The following C12orf76 variants were observed in gnomAD, a reference collection of about 807,000 sequenced individuals.
C12orf76 encodes uncharacterized protein C12orf76.
C12orf76 carries 6 observed loss-of-function variants against 6.8 expected under a neutral mutation model. That is an observed-to-expected ratio of 0.88 (90% CI 0.48 to 1.73). The LOEUF (loss-of-function observed/expected upper bound fraction) is 1.73. Ranked by LOEUF, C12orf76 falls within the 40% of genes most tolerant of loss-of-function variation. C12orf76 has a pLI of 0.01. For missense variants in C12orf76, 99 were observed against 98.2 expected (o/e 1.01, Z -0.03); for synonymous variants, 56 against 43.7 (o/e 1.28, Z -1.11).
chr12:110,058,286 T>A lies in C12orf76; in HGVS notation n.556+702A>T, dbSNP rs185725056. 1.4e-3 allele frequency among the ~76,000 whole-genome samples: 220 copies of A among 152,324 alleles called. 1 individual carries two copies. Among genetic ancestry groups the A allele is most frequent in the South Asian group, 2.7e-3 (13 of 4,824 alleles). On this transcript the variant is annotated intron_variant and non_coding_transcript_variant, in intron 3 of 4. Coordinates refer to the C12orf76 transcript ENST00000309050. ...ATGTTATTAATTCTTTCTATGACAG[T>A]AAAGATATCTGTGATAAAGATAGAT... is the stretch of plus-strand genomic sequence containing the variant.
rs758148706 is a variant in C12orf76 at position 110,054,581 on chromosome 12, A to T, written n.664+2608T>A. ...AAATGGCGAGTGACTACTAATAGGC[A>T]TGGGGTGTCCTTTTGGGGTGATGAA... On this transcript the variant is annotated intron_variant and non_coding_transcript_variant, in intron 4 of 4. Coordinates refer to the C12orf76 transcript ENST00000309050. The surrounding 1 kb of genome is among the most constrained non-coding windows in gnomAD (Gnocchi z 4.4). Among the ~76,000 whole-genome samples the T allele has an allele frequency of 6.6e-6, 1 of 152,156 alleles. No individual in the cohort carries two copies. The highest frequency in any genetic ancestry group is 1.5e-5 in the Non-Finnish European group (1 of 68,038).
At chr12:110,043,104 G>A (rs1222116383) in intron 1 of C12orf76, among the ~76,000 whole-genome samples, 2 of 151,842 alleles carry the variant, frequency 1.3e-5, no homozygotes, top group Non-Finnish European at 2.9e-5. Context: ...GAGACCTTAC[G>A]AGTGAGGCTC....
At chr12:110,043,422 T>A (rs1892368368) in intron 1 of C12orf76, among the ~76,000 whole-genome samples, 1 of 151,742 alleles carries the variant, frequency 6.6e-6, no homozygotes, top group East Asian at 1.9e-4. Context: ...ATTGTTTGAC[T>A]ATAGGGGAGC....
intron 1 of C12orf76, chr12:110,044,350 GC>G (rs1410069207): frequency 1.3e-5 from 2 of 152,032 alleles, no homozygotes; most frequent in Non-Finnish European, 2.9e-5. Flanking sequence ...TTTGAGACCA[GC>G]CTGGCCAACA....
At chr12:110,058,176 A>C (rs548705844) in intron 3 of C12orf76, among the ~76,000 whole-genome samples, 1 of 152,182 alleles carries the variant, frequency 6.6e-6, no homozygotes, top group East Asian at 1.9e-4. Context: ...ACACCTAGAC[A>C]CACAAACAGA....
At chr12:110,059,594 T>C (rs145030479) in intron 2 of C12orf76, among the ~76,000 whole-genome samples, 102 of 152,314 alleles carry the variant, frequency 6.7e-4, no homozygotes, top group African/African-American at 2.3e-3. Flanking sequence ...GGTCAAAGGG[T>C]GTGCACATTT....
chr12:110,066,265 G>A (rs1007488555), intron 1 of C12orf76, among the ~76,000 whole-genome samples: 1 of 148,430 alleles, frequency 6.7e-6, no homozygotes, highest in African/African-American at 2.5e-5. Context: ...CCATCTACTC[G>A]GGAGGCTGAG....
At chr12:110,063,634 A>T (rs1460268357) in intron 2 of C12orf76, among the ~76,000 whole-genome samples, 1 of 147,240 alleles carries the variant, frequency 6.8e-6, no homozygotes, top group Non-Finnish European at 1.5e-5. Context: ...TTATTTATTT[A>T]TTTATTTATT....
At chr12:110,058,417 A>G (rs918861262) in intron 3 of C12orf76, among the ~76,000 whole-genome samples, 4 of 152,162 alleles carry the variant, frequency 2.6e-5, no homozygotes. Context: ...TAATCCCAGC[A>G]CTTTGGGAGG....
intron 1 of C12orf76, among the ~76,000 whole-genome samples, chr12:110,042,790 G>C (rs1461759918): frequency 6.6e-6 from 1 of 152,126 alleles, no homozygotes; most frequent in African/African-American, 2.4e-5. Flanking sequence ...GAGTGTGGTG[G>C]CTCGTGTCTG....
chr12:110,064,025 CTG>C (rs1892820248), intron 2 of C12orf76, among the ~76,000 whole-genome samples: 1 of 152,212 alleles, frequency 6.6e-6, no homozygotes, highest in African/African-American at 2.4e-5. Context: ...GCCTGTGGGA[CTG>C]TGTTAGTTTC....
intron 2 of C12orf76, among the ~76,000 whole-genome samples, chr12:110,062,788 ATTTTTTTTTTTTTTTT>A (rs71079597): frequency 1.6e-5 from 1 of 63,360 alleles, no homozygotes; most frequent in Admixed American, 2.1e-4. Context: ...CCCAGCTAAT[ATTTTTTTTTTTTTTTT>A]TTTTTTTTTT....
intron 1 of C12orf76, chr12:110,067,352 A>G (rs1892884589): frequency 2.1e-6 from 2 of 944,824 alleles, no homozygotes; most frequent in South Asian, 4.9e-5. Context: ...CAAGGTAAGA[A>G]TAGGAGCTCA....
At chr12:110,047,526 C>T (rs1892481446) in intron 1 of C12orf76, among the ~76,000 whole-genome samples, 1 of 151,976 alleles carries the variant, frequency 6.6e-6, no homozygotes, top group African/African-American at 2.4e-5. Context: ...ACAACAACAA[C>T]AAAATGAGCC....
chr12:110,048,852 T>A (rs1475748858), upstream of C12orf76: 2 of 190,240 alleles, frequency 1.1e-5, no homozygotes, highest in Non-Finnish European at 2.1e-5. Context: ...CATTTTCTTA[T>A]TAAACCTTCA....
Position 110,043,342 on chromosome 12 carries a change from G to C in C12orf76, c.134-883C>G, listed in dbSNP as rs777731457. On this transcript the variant is annotated intron_variant, in intron 1 of 1. Transcript: ENST00000615315. ...AAAGAGAAGCCACTAGGGGGCTGTA[G>C]GCAAAGGAATGACATCATCTGATTT... Among the ~76,000 whole-genome samples the C allele has an allele frequency of 1.3e-4, 19 of 151,346 alleles. 1 individual carries two copies. Among genetic ancestry groups the C allele is most frequent in the Admixed American group, 3.9e-4 (6 of 15,240 alleles).
At chr12:110,064,548 C>A (rs894659196) in intron 2 of C12orf76, among the ~76,000 whole-genome samples, 3 of 152,188 alleles carry the variant, frequency 2.0e-5, no homozygotes, top group African/African-American at 7.2e-5. Context: ...AAAATAATGT[C>A]TTTAAAATGA....
chr12:110,044,028 A>AG (rs1268880488), intron 1 of C12orf76: 1 of 138,514 alleles, frequency 7.2e-6, no homozygotes, highest in Non-Finnish European at 1.5e-5. Flanking sequence ...AAAAAAAAAA[A>AG]AATAAAGAAA....
At chr12:110,047,255 T>C (rs1892473961) in intron 1 of C12orf76, among the ~76,000 whole-genome samples, 1 of 152,184 alleles carries the variant, frequency 6.6e-6, no homozygotes, top group South Asian at 2.1e-4. Flanking sequence ...ACGCAGCGTG[T>C]GTGTGTGTTG....
Sources: allele counts gnomAD v4.1 joint callset (sites outside exome capture counted in the v4.1 genomes callset), GRCh38; gene constraint gnomAD v4.1.1; non-coding constraint Gnocchi (gnomAD v3.1); transcripts MANE v1.5; gene names NCBI Gene and HGNC (gene_info 2026-07-23, HGNC 2026-07-21).